Variants in MATK observed in about 807,000 individuals in gnomAD.
MATK encodes the protein megakaryocyte-associated tyrosine kinase.
MATK carries 41 observed loss-of-function variants against 59.8 expected under a neutral mutation model. That is an observed-to-expected ratio of 0.69 (90% CI 0.53 to 0.89). The LOEUF is 0.89. Ranked by LOEUF, MATK falls within the 40% of genes least tolerant of loss-of-function variation. MATK has a pLI of 0.00. For missense variants in MATK, 593 were observed against 719.6 expected, an observed-to-expected ratio of 0.82 and a Z score of 2.01; for synonymous variants, 308 against 306.1, an observed-to-expected ratio of 1.01 and a Z score of -0.06.
At chr19:3,801,535 T>C (rs2037643003) in exon 1 of MATK, 1 of 152,388 alleles carries the variant, frequency 6.6e-6, no homozygotes, top group Non-Finnish European at 1.5e-5. Context: ...CACTCACCGA[T>C]GTCGCCTAGC....
chr19:3,785,253 G>GTGCCACTGGACC lies in MATK; in HGVS notation c.-130_-119dup, dbSNP rs1008660738. 15 of 1,564,394 alleles carry GTGCCACTGGACC rather than the reference G, an allele frequency of 9.6e-6. No homozygotes were observed. Among genetic ancestry groups the GTGCCACTGGACC allele is most frequent in the Middle Eastern group, 1.8e-4 (1 of 5,542 alleles). On this transcript the variant is annotated 5_prime_UTR_variant, in exon 2 of 14. Transcript: ENST00000310132. The stretch of plus-strand genomic sequence containing the variant: ...GCTGGCACAGGAGGTAGGGAGCTGG[G>GTGCCACTGGACC]TGCCACTGGACCGAGCCTGGTTCTT...
At chr19:3,779,311 C>A (rs2037363618) in intron 11 of MATK, 67 bp downstream of exon 11, 1 of 1,591,710 alleles carries the variant, frequency 6.3e-7, no homozygotes, top group South Asian at 1.1e-5. Context: ...TCAGTTTCCC[C>A]TTGATGGATC....
Position 3,779,766 on chromosome 19 carries a change from C to T in MATK, c.774G>A (p.Lys258=). 6.2e-7 allele frequency: 1 copy of T among 1,613,010 alleles called. No homozygotes were observed. The highest frequency in any genetic ancestry group is 8.5e-7 in the Non-Finnish European group (1 of 1,179,934). ...CACACTTGATATTCTTCACGGCCACCTTTTGCCCCAGGTACTCACCCTGCA... is the reference window on the plus strand; with the variant it reads ...CACACTTGATATTCTTCACGGCCACTTTTTGCCCCAGGTACTCACCCTGCA... ...AVLQGEYLGQ[K]VAVKNIKCDV... is the part of the protein sequence containing the mutation. Residue 258 remains lysine, a synonymous_variant, in exon 9 of 14, where the codon AAG becomes AAA. Transcript: ENST00000310132.
rs947858454 is a variant in MATK, at chr19:3,786,249, G to A, written c.-232C>T. ...GCGAGCCGGCTGCACACCCCGAGGC[G>A]GTCCCGGCTGCACAACTTGGAGCGA... On this transcript the variant is annotated 5_prime_UTR_variant, in exon 1 of 14. Transcript: ENST00000310132. The surrounding 1 kb of genome is among the most constrained non-coding windows in gnomAD (Gnocchi z 4.1). 4 of 985,210 alleles carry A rather than the reference G, an allele frequency of 4.1e-6. No individual in the cohort carries two copies. The highest frequency in any genetic ancestry group is 4.7e-5 in the South Asian group (1 of 21,304). The allele number at this position is 985,210 out of a possible 1,614,324, so 61.0% of individuals were successfully genotyped here.
intron 1 of MATK, among the ~76,000 whole-genome samples, chr19:3,793,573 G>A (rs1049907467): frequency 6.6e-6 from 1 of 152,130 alleles, no homozygotes; most frequent in African/African-American, 2.4e-5. Context: ...GTGGTGGCGG[G>A]TGCCTGTAGT....
intron 7 of MATK, among the ~76,000 whole-genome samples, chr19:3,782,123 A>G (rs1293015773): frequency 6.6e-6 from 1 of 151,874 alleles, no homozygotes; most frequent in Non-Finnish European, 1.5e-5. Context: ...ACAGTTCTTT[A>G]CCTCTGACCA....
intron 7 of MATK, among the ~76,000 whole-genome samples, chr19:3,781,972 A>G (rs2037408138): frequency 6.6e-6 from 1 of 152,192 alleles, no homozygotes; most frequent in Non-Finnish European, 1.5e-5. Flanking sequence ...TGAGACCCTC[A>G]GACCCCACAC....
At chr19:3,781,731 G>T in intron 7 of MATK, 59 bp from the exon 8 acceptor site, 1 of 1,352,286 alleles carries the variant, frequency 7.4e-7, no homozygotes, top group Non-Finnish European at 1.1e-6. Context: ...CCCATTGGGG[G>T]TTCTACTTGG....
upstream of MATK, among the ~76,000 whole-genome samples, chr19:3,790,825 G>T (rs763526659): frequency 5.9e-5 from 9 of 152,110 alleles, no homozygotes; most frequent in Non-Finnish European, 1.3e-4. Context: ...AGGTCTCCCT[G>T]AAAGGGCCCC....
intron 6 of MATK, 47 bp from the exon 7 acceptor site, chr19:3,783,266 C>T (rs1323088361): frequency 1.5e-6 from 2 of 1,378,814 alleles, no homozygotes; most frequent in Non-Finnish European, 2.1e-6. Context: ...GGGAGGGGAA[C>T]CCCAGCATCC....
chr19:3,784,461 G>C lies in MATK; in HGVS notation c.133-10C>G, dbSNP rs371077597. 1,159 of 1,578,796 alleles carry C rather than the reference G, an allele frequency of 7.3e-4. 4 individuals carry two copies. Among genetic ancestry groups the C allele is most frequent in the Non-Finnish European group, 2.4e-4 (277 of 1,165,086 alleles). Reference sequence around the variant, plus strand: ...CCGGGGCCCAGCGCCTCTGCAGAGGGGGCCGGGAGAGGGGCAAAGGGAGGA... The same window carrying C: ...CCGGGGCCCAGCGCCTCTGCAGAGGCGGCCGGGAGAGGGGCAAAGGGAGGA... On this transcript the variant is annotated splice_polypyrimidine_tract_variant and intron_variant, in intron 3 of 13. Transcript: ENST00000310132.
chr19:3,780,517 T>C (rs2037385142), intron 8 of MATK, among the ~76,000 whole-genome samples: 1 of 150,896 alleles, frequency 6.6e-6, no homozygotes, highest in African/African-American at 2.4e-5. Flanking sequence ...AAGCTCTGCC[T>C]CCCAGGTCAC....
rs556524646 is a variant in MATK, at chr19:3,798,018, G to A, written c.-58+3514C>T. Among the ~76,000 whole-genome samples, 19 of 151,674 alleles carry A rather than the reference G, an allele frequency of 1.3e-4. No homozygotes were observed. In the East Asian group the frequency reaches 3.5e-3, roughly 28 times the overall value. ...GAACACATCACTGTACTCCAGCCTGGGTGACAGAGGGAGACTCCATCTCAA... is the reference window on the plus strand; with the variant it reads ...GAACACATCACTGTACTCCAGCCTGAGTGACAGAGGGAGACTCCATCTCAA... On this transcript the variant is annotated intron_variant, in intron 1 of 13. Coordinates refer to the MATK transcript ENST00000395045.
At chr19:3,792,090 G>T (rs899924861) in intron 1 of MATK, among the ~76,000 whole-genome samples, 10 of 140,192 alleles carry the variant, frequency 7.1e-5, no homozygotes, top group African/African-American at 1.1e-4. Flanking sequence ...TCTGGCAACA[G>T]AGTGAGACTC....
chr19:3,783,462 G>T (rs1327197497), intron 6 of MATK, among the ~76,000 whole-genome samples: 1 of 152,058 alleles, frequency 6.6e-6, no homozygotes, highest in African/African-American at 2.4e-5. Flanking sequence ...GTAGAACCAG[G>T]CTGACTCAGG....
intron 8 of MATK, among the ~76,000 whole-genome samples, chr19:3,780,926 G>A (rs1190644970): frequency 1.3e-5 from 2 of 149,540 alleles, no homozygotes; most frequent in Non-Finnish European, 3.0e-5. Flanking sequence ...TGGGGGTCTC[G>A]CTACGTTGTC....
chr19:3,784,823 A>G lies in MATK; in HGVS notation c.132+2T>C. 4 of 1,550,548 alleles carry G rather than the reference A, an allele frequency of 2.6e-6. No homozygotes were observed. Among genetic ancestry groups the G allele is most frequent in the Non-Finnish European group, 3.5e-6 (4 of 1,145,954 alleles). On this transcript the variant is annotated splice_donor_variant, in intron 3 of 13. Transcript: ENST00000310132. LOFTEE classifies it high-confidence loss of function. Reference sequence around the variant, plus strand: ...CAGAGGAAGCAGGCTAGACACACTCACCGTTGGCATCCTGGCTGAGACGGG... The same window carrying G: ...CAGAGGAAGCAGGCTAGACACACTCGCCGTTGGCATCCTGGCTGAGACGGG...
intron 2 of MATK, 34 bp from the exon 3 acceptor site, chr19:3,784,918 G>T (rs1190674173): frequency 2.0e-6 from 3 of 1,468,314 alleles, no homozygotes; most frequent in Non-Finnish European, 1.9e-6. Context: ...TGGGAGCTGG[G>T]CTGGGACCCA....
chr19:3,785,362 T>A (rs2037467273), intron 1 of MATK, 76 bp from the exon 2 acceptor site: 2 of 1,039,236 alleles, frequency 1.9e-6, no homozygotes, highest in East Asian at 5.5e-5. Flanking sequence ...GACCGTGGGG[T>A]GGAGCTGGGG....
Sources: gnomAD v4.1 joint callset for allele counts (sites outside exome capture counted in the v4.1 genomes callset) on GRCh38, gnomAD v4.1.1 for gene constraint, Gnocchi (gnomAD v3.1) non-coding constraint, MANE v1.5 for transcripts, NCBI Gene and HGNC (gene_info 2026-07-23, HGNC 2026-07-21) for gene names.